The following BMPR2 variants were observed in gnomAD, a reference collection of about 807,000 sequenced individuals.
BMPR2 encodes bone morphogenetic protein receptor type 2, also known as bone morphogenetic protein receptor type-2.
A neutral mutation model predicts 100.8 loss-of-function variants in BMPR2; 29 were observed. That is an observed-to-expected ratio of 0.29 (90% CI 0.21 to 0.39). The LOEUF (loss-of-function observed/expected upper bound fraction) is 0.39, where lower values mean the gene tolerates loss of function less well. Among genes scored for constraint, BMPR2 ranks in the 10% least tolerant of loss-of-function variants. The probability of loss-of-function intolerance (pLI) is 1.00; values close to 1 mark genes in which losing one functional copy is unlikely to be tolerated. For missense variants in BMPR2, 1,011 were observed against 1,274.5 expected, an observed-to-expected ratio of 0.79 and a Z score of 3.15; for synonymous variants, 382 against 442.3, an observed-to-expected ratio of 0.86 and a Z score of 1.71.
intron 10 of BMPR2, among the ~76,000 whole-genome samples, chr2:202,543,733 T>A (rs1472164993): frequency 6.6e-6 from 1 of 152,194 alleles, no homozygotes; most frequent in Non-Finnish European, 1.5e-5. Flanking sequence ...TATTATTAAA[T>A]GATTTATGTT....
At position 202,544,137 on chromosome 2, in the gene BMPR2, A is replaced by AT. The variant is rs1688331404; in HGVS notation, c.1413+1691dup. Among the ~76,000 whole-genome samples the AT allele has an allele frequency of 2.0e-5, 3 of 152,028 alleles. No homozygotes were observed. In the South Asian group the frequency reaches 6.2e-4, roughly 32 times the overall value. On this transcript the variant is annotated intron_variant, in intron 10 of 12. Transcript: ENST00000374580. The stretch of plus-strand genomic sequence containing the variant: ...AGCCTGGGTGACAGAGTGAGACCCC[A>AT]TCTCAAAAAAAAACAAAAAAAAATT...
chr2:202,542,840 TG>T (rs1688301831), intron 10 of BMPR2, among the ~76,000 whole-genome samples: 1 of 152,158 alleles, frequency 6.6e-6, no homozygotes, highest in Non-Finnish European at 1.5e-5. Context: ...AGGCTAGACC[TG>T]AAAAAAACCA....
chr2:202,546,140 T>C (rs769856388), intron 10 of BMPR2, among the ~76,000 whole-genome samples: 2 of 152,204 alleles, frequency 1.3e-5, no homozygotes, highest in Admixed American at 6.5e-5. Context: ...TTGGTTCACT[T>C]CCAGGGAATC....
In BMPR2 at chr2:202,560,399, C is replaced by T. The variant is rs187966248; in HGVS notation, c.*453C>T. The T allele has an allele frequency of 1.1e-5, 2 of 180,818 alleles. No homozygotes were observed. The highest frequency in any genetic ancestry group is 5.5e-5 in the Admixed American group (1 of 18,320). 11.2% of individuals were successfully genotyped at this position (180,818 alleles called of 1,614,324 possible). ...GCACAAGCTAGTTTTTATGTTGATA[C>T]GTTCCTGAACATATTATCTTGTTGG... On this transcript the variant is annotated 3_prime_UTR_variant, in exon 13 of 13. Transcript: ENST00000374580.
intron 1 of BMPR2, among the ~76,000 whole-genome samples, chr2:202,423,115 C>T (rs1691303445): frequency 6.6e-6 from 1 of 152,162 alleles, no homozygotes; most frequent in Non-Finnish European, 1.5e-5. Context: ...TCTTGAACTC[C>T]AAACCTCAAG....
intron 1 of BMPR2, among the ~76,000 whole-genome samples, chr2:202,420,668 T>G (rs1271606365): frequency 6.8e-6 from 1 of 146,728 alleles, no homozygotes; most frequent in African/African-American, 2.5e-5. Flanking sequence ...TGCCTCAGCC[T>G]CCTGAGTAGC....
intron 1 of BMPR2, among the ~76,000 whole-genome samples, chr2:202,451,233 T>C (rs1162387640): frequency 6.6e-6 from 1 of 152,208 alleles, no homozygotes; most frequent in Non-Finnish European, 1.5e-5. Flanking sequence ...TAGATCCTAC[T>C]TTTCAATTAT....
At chr2:202,397,631 G>T (rs1690679536) in intron 1 of BMPR2, among the ~76,000 whole-genome samples, 1 of 151,406 alleles carries the variant, frequency 6.6e-6, no homozygotes, top group Non-Finnish European at 1.5e-5. Flanking sequence ...TACCTGAGTA[G>T]CTGGGACTAC....
chr2:202,516,646 C>G (rs539127123), intron 5 of BMPR2, among the ~76,000 whole-genome samples: 3 of 150,836 alleles, frequency 2.0e-5, no homozygotes, highest in Admixed American at 2.0e-4. Context: ...GAGACCCTGT[C>G]TCAAAAAAAA....
intron 9 of BMPR2, among the ~76,000 whole-genome samples, chr2:202,539,324 G>C (rs1469488466): frequency 6.6e-6 from 1 of 152,118 alleles, no homozygotes; most frequent in Non-Finnish European, 1.5e-5. Context: ...TTTTAGAAGA[G>C]TTTCTGTGGA....
intron 3 of BMPR2, among the ~76,000 whole-genome samples, chr2:202,493,995 A>G (rs964209363): frequency 1.3e-5 from 2 of 152,232 alleles, no homozygotes; most frequent in African/African-American, 4.8e-5. Context: ...TGAAAAAACA[A>G]GAAATCTGCC....
chr2:202,521,727 CA>C (rs1199154896), intron 7 of BMPR2, among the ~76,000 whole-genome samples: 6 of 152,032 alleles, frequency 3.9e-5, no homozygotes, highest in African/African-American at 1.5e-4. Context: ...TGGTGTTGTA[CA>C]GGGTATTTAT....
intron 1 of BMPR2, among the ~76,000 whole-genome samples, chr2:202,407,565 G>A (rs547694318): frequency 2.0e-5 from 3 of 151,994 alleles, no homozygotes; most frequent in African/African-American, 7.2e-5. Flanking sequence ...GAGATCAGGA[G>A]ATCGAGACCA....
chr2:202,495,592 C>T lies in BMPR2; in HGVS notation c.419-18127C>T, dbSNP rs896168817. ...TGGTCTTGGAAATGCAACATTTGGA[C>T]GGGAAAGCAGGAGTGCCTGTCCTCA... is the stretch of plus-strand genomic sequence containing the variant. On this transcript the variant is annotated intron_variant, in intron 3 of 12. Coordinates refer to ENST00000374580, the MANE Select transcript of BMPR2 (RefSeq NM_001204.7). This position sits in a 1 kb window ranked among gnomAD's most constrained non-coding sequence, Gnocchi z 4.5. Among the ~76,000 whole-genome samples the T allele has an allele frequency of 1.8e-4, 27 of 152,152 alleles. No homozygotes were observed. Among genetic ancestry groups the T allele is most frequent in the Admixed American group, 1.6e-3 (24 of 15,280 alleles).
chr2:202,431,303 A>G (rs998444654), intron 1 of BMPR2, among the ~76,000 whole-genome samples: 2 of 150,616 alleles, frequency 1.3e-5, no homozygotes, highest in African/African-American at 5.0e-5. Context: ...AATAAGACAC[A>G]TGTTTTTCAA....
chr2:202,445,309 C>T (rs1040709587), intron 1 of BMPR2, among the ~76,000 whole-genome samples: 1 of 149,690 alleles, frequency 6.7e-6, no homozygotes, highest in Non-Finnish European at 1.5e-5. Context: ...TCACTGTAGC[C>T]TCAACCTCCC....
chr2:202,517,026 T>C (rs1000710332), intron 5 of BMPR2, among the ~76,000 whole-genome samples: 1 of 152,138 alleles, frequency 6.6e-6, no homozygotes, highest in South Asian at 2.1e-4. Context: ...TTTTTTGTAT[T>C]CTGGATATTG....
At position 202,542,455 on chromosome 2, in the gene BMPR2, A is replaced by G; in HGVS notation, c.1413+8A>G. Reference sequence around the variant, plus strand: ...TGGAAAGAAAATAGCCTGGTAAGAAAAAACTAAGTTATTAAAGAGAGGACT... The same window carrying G: ...TGGAAAGAAAATAGCCTGGTAAGAAGAAACTAAGTTATTAAAGAGAGGACT... On this transcript the variant is annotated splice_region_variant and intron_variant, in intron 10 of 12. Transcript: ENST00000374580. The G allele has an allele frequency of 6.2e-7, 1 of 1,613,808 alleles. No individual in the cohort carries two copies. Among genetic ancestry groups the G allele is most frequent in the Non-Finnish European group, 8.5e-7 (1 of 1,179,814 alleles).
rs897762397 is a variant in BMPR2 at position 202,442,491 on chromosome 2, A to T, written c.77-22318A>T. Among the ~76,000 whole-genome samples, 15 of 150,416 alleles carry T rather than the reference A, an allele frequency of 1.0e-4. 1 individual carries two copies. Among genetic ancestry groups the T allele is most frequent in the Non-Finnish European group, 1.6e-4 (11 of 68,038 alleles). ...TTCACTTTCCCAACAATTTTCAAGT[A>T]TATAGTACAATATTGCCAACAACAT... On this transcript the variant is annotated intron_variant, in intron 1 of 12. Coordinates refer to ENST00000374580, the MANE Select transcript of BMPR2 (RefSeq NM_001204.7).
Sources: allele counts gnomAD v4.1 joint callset (sites outside exome capture counted in the v4.1 genomes callset), GRCh38; gene constraint gnomAD v4.1.1; non-coding constraint Gnocchi (gnomAD v3.1); transcripts MANE v1.5; gene names NCBI Gene and HGNC (gene_info 2026-07-23, HGNC 2026-07-21).